Variants in RECK observed in about 807,000 individuals in gnomAD.
RECK encodes the protein reversion-inducing cysteine-rich protein with Kazal motifs.
Under a neutral mutation model 115.1 loss-of-function variants are expected in RECK, and 69 were observed. The observed-to-expected ratio is 0.60, with a 90% CI of 0.49 to 0.73. The LOEUF (loss-of-function observed/expected upper bound fraction) is 0.73, where lower values mean the gene tolerates loss of function less well. RECK is among the 30% of genes least tolerant of loss of function. RECK has a pLI of 0.00. For missense variants in RECK, 1,047 were observed against 1,203.7 expected (o/e 0.87, Z 1.93); for synonymous variants, 414 against 419.7 (o/e 0.99, Z 0.17).
intron 17 of RECK, among the ~76,000 whole-genome samples, chr9:36,117,737 CT>C (rs34296156): frequency 6.6e-6 from 1 of 152,212 alleles, no homozygotes; most frequent in Non-Finnish European, 1.5e-5. Flanking sequence ...AATCCCAGCA[CT>C]TTGGGAGGCA....
intron 1 of RECK, among the ~76,000 whole-genome samples, chr9:36,046,261 GTTGTA>G (rs928681535): frequency 5.9e-5 from 9 of 152,178 alleles, no homozygotes; most frequent in African/African-American, 1.9e-4. Context: ...GTTTTGTTTT[GTTGTA>G]TTGTAATAGT....
intron 6 of RECK, among the ~76,000 whole-genome samples, chr9:36,066,296 T>C (rs1821994523): frequency 6.6e-6 from 1 of 152,158 alleles, no homozygotes; most frequent in Non-Finnish European, 1.5e-5. Flanking sequence ...TAGAACTCTG[T>C]TCTTAAATGT....
At chr9:36,054,499 TAA>T (rs56001338) in intron 2 of RECK, among the ~76,000 whole-genome samples, 100 of 127,146 alleles carry the variant, frequency 7.9e-4, no homozygotes, top group African/African-American at 1.1e-3. Flanking sequence ...GCCCTTAGTT[TAA>T]AAAAAAAAAA....
At position 36,122,952 on chromosome 9, in the gene RECK, A is replaced by C; in HGVS notation, c.2823A>C (p.Pro941=). Residue 941 remains proline (P), a synonymous_variant, in exon 21 of 21, where the codon CCA becomes CCC. Transcript: ENST00000377966. The part of the protein sequence containing the change: ...ISQVQVSSSV[P]SAGVRARPSC... ...AGGTACAGGTCTCCAGCAGTGTGCC[A>C]TCGGCCGGTGTCAGGGCCAGGCCTT... The C allele has an allele frequency of 6.2e-7, 1 of 1,614,182 alleles. No individual in the cohort carries two copies. Among genetic ancestry groups the C allele is most frequent in the South Asian group, 1.1e-5 (1 of 91,078 alleles).
intron 3 of RECK, 38 bp downstream of exon 3, chr9:36,058,939 C>G: frequency 7.7e-6 from 10 of 1,299,308 alleles, no homozygotes; most frequent in Non-Finnish European, 9.3e-6. Flanking sequence ...AAGCTTCTGT[C>G]TAAATGAAAC....
At chr9:36,121,724 C>T (rs1328214294) in intron 20 of RECK, 36 bp downstream of exon 20, 1 of 1,605,912 alleles carries the variant, frequency 6.2e-7, no homozygotes. Context: ...CATCTTGTCA[C>T]TTTCAAGTTT....
Position 36,104,315 on chromosome 9 carries a change from TATATATATATA to T in RECK, c.1436-827_1436-817del, listed in dbSNP as rs371296155. Among the ~76,000 whole-genome samples the T allele has an allele frequency of 2.1e-3, 142 of 67,022 alleles. 2 individuals carry two copies. The highest frequency in any genetic ancestry group is 8.0e-3 in the African/African-American group (101 of 12,576). The allele number at this position is 67,022 out of a possible 152,430, so 44.0% of individuals were successfully genotyped here. On this transcript the variant is annotated intron_variant, in intron 12 of 20. Coordinates refer to ENST00000377966, the MANE Select transcript of RECK (RefSeq NM_021111.3). ...GTGTATATATATATATATATATATATATATATATATATTTTTTTTTTTTTTTTTTTTTTTTT... is the reference window on the plus strand; with the variant it reads ...GTGTATATATATATATATATATATATTTTTTTTTTTTTTTTTTTTTTTTTT...
intron 14 of RECK, 57 bp from the exon 15 acceptor site, chr9:36,109,900 C>T (rs1038221224): frequency 1.1e-5 from 16 of 1,461,866 alleles, no homozygotes; most frequent in East Asian, 7.0e-5. Context: ...AATTGTAATA[C>T]GTGCTCTATT....
chr9:36,099,090 G>T (rs569369237), intron 10 of RECK, among the ~76,000 whole-genome samples: 3 of 152,114 alleles, frequency 2.0e-5, no homozygotes, highest in Admixed American at 2.0e-4. Context: ...ACCAGGTGTG[G>T]TGGTGGGTGC....
chr9:36,101,136 A>G (rs947530594), intron 11 of RECK, among the ~76,000 whole-genome samples: 4 of 152,038 alleles, frequency 2.6e-5, no homozygotes, highest in Non-Finnish European at 5.9e-5. Context: ...TATTCTTAGT[A>G]GAGATGGGGT....
intron 18 of RECK, among the ~76,000 whole-genome samples, chr9:36,120,103 C>T (rs533840330): frequency 1.1e-4 from 17 of 152,016 alleles, no homozygotes; most frequent in African/African-American, 3.6e-4. Context: ...GGCATGGTGG[C>T]GGGCACCTGT....
chr9:36,042,343 A>G (rs1362706936), intron 1 of RECK, among the ~76,000 whole-genome samples: 1 of 152,106 alleles, frequency 6.6e-6, no homozygotes, highest in Non-Finnish European at 1.5e-5. Flanking sequence ...TACTTCACTT[A>G]GAATAATGGT....
intron 1 of RECK, among the ~76,000 whole-genome samples, chr9:36,037,556 C>T (rs1282034025): frequency 3.3e-5 from 5 of 151,822 alleles, no homozygotes; most frequent in African/African-American, 1.2e-4. Flanking sequence ...CTGACGGTCC[C>T]CACAGCCCGC....
At chr9:36,053,786 GA>G (rs1821404796) in intron 2 of RECK, among the ~76,000 whole-genome samples, 1 of 152,142 alleles carries the variant, frequency 6.6e-6, no homozygotes, top group Non-Finnish European at 1.5e-5. Context: ...TGGAATGCTA[GA>G]AATTATATAA....
At position 36,120,657 on chromosome 9, in the gene RECK, A is replaced by C. The variant is rs781581843; in HGVS notation, c.2465-6A>C. ...GAACGCACATAAAATGGTTTCTGTTATACAGGTGCTTGTTGCCCATTATGT... is the reference window on the plus strand; with the variant it reads ...GAACGCACATAAAATGGTTTCTGTTCTACAGGTGCTTGTTGCCCATTATGT... On this transcript the variant is annotated splice_polypyrimidine_tract_variant and splice_region_variant and intron_variant, in intron 18 of 20. Transcript: ENST00000377966. 20 of 1,609,536 alleles carry C rather than the reference A, an allele frequency of 1.2e-5. No individual in the cohort carries two copies. Among genetic ancestry groups the C allele is most frequent in the Non-Finnish European group, 1.5e-5 (18 of 1,176,044 alleles).
Position 36,089,478 on chromosome 9 carries a change from G to A in RECK, c.905+1517G>A, listed in dbSNP as rs950652624. 2.6e-5 allele frequency among the ~76,000 whole-genome samples: 4 copies of A among 152,104 alleles called. No individual in the cohort carries two copies. The South Asian group carries it at 6.2e-4, about 24-fold the overall frequency. ...ATGAGATGTTAAATAACCTGTCCAA[G>A]GCAAATACAGATTGACCACCCTTAA... is the stretch of plus-strand genomic sequence containing the variant. On this transcript the variant is annotated intron_variant, in intron 9 of 20. Coordinates refer to ENST00000377966, the MANE Select transcript of RECK (RefSeq NM_021111.3).
chr9:36,061,369 C>A (rs551248188), intron 4 of RECK, among the ~76,000 whole-genome samples: 2 of 146,376 alleles, frequency 1.4e-5, no homozygotes, highest in Non-Finnish European at 3.0e-5. Flanking sequence ...TTGTACCCAG[C>A]ATCCTTAGTA....
chr9:36,099,682 G>A (rs1340897221), intron 10 of RECK, among the ~76,000 whole-genome samples: 1 of 148,374 alleles, frequency 6.7e-6, no homozygotes, highest in Non-Finnish European at 1.5e-5. Context: ...ATGAAATCTT[G>A]CTATGTTGCC....
intron 16 of RECK, among the ~76,000 whole-genome samples, chr9:36,114,516 T>C (rs1289577346): frequency 2.0e-5 from 3 of 152,222 alleles, no homozygotes; most frequent in Non-Finnish European, 4.4e-5. Flanking sequence ...CACATACCCT[T>C]TGGATTAGCA....
Sources: allele counts gnomAD v4.1 joint callset (sites outside exome capture counted in the v4.1 genomes callset), GRCh38; gene constraint gnomAD v4.1.1; transcripts MANE v1.5; gene names NCBI Gene and HGNC (gene_info 2026-07-23, HGNC 2026-07-21).